The following PTDSS1 variants were observed in gnomAD, a reference collection of about 807,000 sequenced individuals.
PTDSS1 encodes the protein phosphatidylserine synthase 1.
A neutral mutation model predicts 70.5 loss-of-function variants in PTDSS1; 45 were observed. The observed-to-expected ratio is 0.64, with a 90% CI of 0.50 to 0.82. The LOEUF is 0.82. Ranked by LOEUF, PTDSS1 falls within the 40% of genes least tolerant of loss-of-function variation. The pLI is 0.00. For missense variants in PTDSS1, 417 were observed against 586.1 expected, an observed-to-expected ratio of 0.71 and a Z score of 2.98; for synonymous variants, 188 against 203.8, an observed-to-expected ratio of 0.92 and a Z score of 0.66.
chr8:96,306,586 G>A (rs370820506), intron 8 of PTDSS1, 30 bp downstream of exon 8: 1 of 1,510,770 alleles, frequency 6.6e-7, no homozygotes, highest in Non-Finnish European at 9.2e-7. Context: ...ACTGTCATAT[G>A]AGAACATTAA....
chr8:96,309,977 A>G (rs1414864247), intron 9 of PTDSS1, among the ~76,000 whole-genome samples: 4 of 151,898 alleles, frequency 2.6e-5, no homozygotes, highest in Admixed American at 1.3e-4. Flanking sequence ...AACCTGGTCA[A>G]CATGGCGAAA....
intron 2 of PTDSS1, among the ~76,000 whole-genome samples, chr8:96,280,917 G>C (rs767202590): frequency 1.3e-5 from 2 of 152,298 alleles, no homozygotes; most frequent in East Asian, 3.9e-4. Flanking sequence ...CACTGAGAAA[G>C]TAGTCAATAG....
At position 96,315,932 on chromosome 8, in the gene PTDSS1, G is replaced by GAGGT. The variant is rs543196636; in HGVS notation, c.1074-4312_1074-4309dup. ...ACCCCTGGGGGTGAGGAAGTAGGAG[G>GAGGT]AGGTATGTGTTCTCACACTGGCAGG... On this transcript the variant is annotated intron_variant, in intron 9 of 12. Coordinates refer to ENST00000517309, the MANE Select transcript of PTDSS1 (RefSeq NM_014754.3). 2.4e-4 allele frequency among the ~76,000 whole-genome samples: 37 copies of GAGGT among 152,182 alleles called. 1 individual carries two copies. The highest frequency in any genetic ancestry group is 4.4e-4 in the Non-Finnish European group (30 of 68,038).
intron 7 of PTDSS1, 31 bp from the exon 8 acceptor site, chr8:96,306,413 C>G (rs185455116): frequency 1.8e-4 from 269 of 1,475,406 alleles, no homozygotes; most frequent in Non-Finnish European, 2.5e-4. Flanking sequence ...GCATGAGGTA[C>G]CAGGTTGACT....
At chr8:96,324,675 C>T (rs567805791) in intron 10 of PTDSS1, among the ~76,000 whole-genome samples, 61 of 152,278 alleles carry the variant, frequency 4.0e-4, no homozygotes, top group African/African-American at 1.3e-3. Flanking sequence ...GAGGGCTTTG[C>T]CCTCATGACC....
chr8:96,306,626 G>A, intron 8 of PTDSS1, 70 bp downstream of exon 8: 7 of 1,215,030 alleles, frequency 5.8e-6, no homozygotes. Context: ...TTTAGCATAA[G>A]GAAAGTCATA....
At chr8:96,328,343 A>G (rs1336369021) in intron 10 of PTDSS1, among the ~76,000 whole-genome samples, 2 of 152,046 alleles carry the variant, frequency 1.3e-5, no homozygotes, top group Admixed American at 6.5e-5. Flanking sequence ...TCTGCAAATC[A>G]TTTCTAGTCC....
chr8:96,329,796 C>T (rs1003414488), intron 10 of PTDSS1, among the ~76,000 whole-genome samples: 1 of 152,186 alleles, frequency 6.6e-6, no homozygotes, highest in Non-Finnish European at 1.5e-5. Flanking sequence ...GACCTCTTCC[C>T]CCTAGAAGCT....
At chr8:96,300,622 A>G (rs1811037124) in intron 6 of PTDSS1, among the ~76,000 whole-genome samples, 1 of 152,246 alleles carries the variant, frequency 6.6e-6, no homozygotes, top group African/African-American at 2.4e-5. Flanking sequence ...TGATAATGAA[A>G]GTTGTGGTTG....
In PTDSS1 at chr8:96,287,041, C is replaced by T. The variant is rs754925679; in HGVS notation, c.336C>T (p.Phe112=). ...TCTCAGGACTCAGTGTGCTCTACTT[C>T]CTGTTCCTGGTATTCCTACTCTTCC... ...RMVFGLSVLY[F]LFLVFLLFLN... The change falls in exon 4 of 13, where the codon TTC becomes TTT. Residue 112 remains phenylalanine (F), a synonymous_variant. Coordinates refer to ENST00000517309, the MANE Select transcript of PTDSS1 (RefSeq NM_014754.3). 4 of 1,614,094 alleles carry T rather than the reference C, an allele frequency of 2.5e-6. No homozygotes were observed. The highest frequency in any genetic ancestry group is 3.4e-6 in the Non-Finnish European group (4 of 1,179,966).
At chr8:96,305,302 T>A (rs1323424363) in intron 7 of PTDSS1, among the ~76,000 whole-genome samples, 2 of 152,196 alleles carry the variant, frequency 1.3e-5, no homozygotes, top group African/African-American at 4.8e-5. Context: ...AATTAGACTA[T>A]TTTTTATTTT....
intron 3 of PTDSS1, among the ~76,000 whole-genome samples, chr8:96,286,817 G>GT (rs1219848006): frequency 6.6e-6 from 1 of 152,182 alleles, no homozygotes; most frequent in Non-Finnish European, 1.5e-5. Flanking sequence ...CTCAGAGATG[G>GT]TTTTCTTGAC....
At chr8:96,274,019 T>C (rs1034399304) in intron 2 of PTDSS1, among the ~76,000 whole-genome samples, 85 of 152,192 alleles carry the variant, frequency 5.6e-4, no homozygotes, top group African/African-American at 2.0e-3. Flanking sequence ...ATCCCTTTCC[T>C]CCAAATTCTT....
chr8:96,285,635 T>C (rs993299596), intron 3 of PTDSS1, among the ~76,000 whole-genome samples: 1 of 152,212 alleles, frequency 6.6e-6, no homozygotes, highest in African/African-American at 2.4e-5. Context: ...TATTTCCTTC[T>C]TGAGAGCCTT....
intron 10 of PTDSS1, among the ~76,000 whole-genome samples, chr8:96,328,353 C>T (rs1375059206): frequency 6.6e-6 from 1 of 152,160 alleles, no homozygotes; most frequent in South Asian, 2.1e-4. Context: ...ATTTCTAGTC[C>T]TTCCCACTCT....
chr8:96,282,237 A>G (rs145554674), intron 2 of PTDSS1, among the ~76,000 whole-genome samples: 6 of 152,360 alleles, frequency 3.9e-5, no homozygotes, highest in African/African-American at 1.4e-4. Context: ...GCCTACCATG[A>G]GTAAAGAGGA....
At chr8:96,305,975 A>G (rs1811116774) in intron 7 of PTDSS1, among the ~76,000 whole-genome samples, 1 of 152,188 alleles carries the variant, frequency 6.6e-6, no homozygotes, top group Non-Finnish European at 1.5e-5. Context: ...GCCACCGTGC[A>G]TGGCCTCAAG....
At chr8:96,287,281 G>C in intron 4 of PTDSS1, 135 bp downstream of exon 4, 6 of 1,251,410 alleles carry the variant, frequency 4.8e-6, no homozygotes, top group Non-Finnish European at 6.6e-6. Context: ...GTCTCTGGGA[G>C]GGTTGTTGAG....
chr8:96,276,052 T>C (rs775337924), intron 2 of PTDSS1, among the ~76,000 whole-genome samples: 5 of 152,276 alleles, frequency 3.3e-5, no homozygotes, highest in African/African-American at 4.8e-5. Flanking sequence ...GTGTTATTTG[T>C]TGCTTAGTTC....
Sources: allele counts gnomAD v4.1 joint callset (sites outside exome capture counted in the v4.1 genomes callset), GRCh38; gene constraint gnomAD v4.1.1; transcripts MANE v1.5; gene names NCBI Gene and HGNC (gene_info 2026-07-23, HGNC 2026-07-21).